Variants in HECTD2 observed in about 807,000 individuals in gnomAD.
The protein encoded by HECTD2 is probable E3 ubiquitin-protein ligase HECTD2.
In HECTD2, 35 loss-of-function variants were observed where a neutral mutation model predicts 103.2. The ratio of observed to expected loss-of-function variants is 0.34; its 90% confidence interval spans 0.26 to 0.45. The LOEUF (loss-of-function observed/expected upper bound fraction) is 0.45. HECTD2 is among the 20% of genes least tolerant of loss of function. The pLI, the probability that HECTD2 is intolerant of heterozygous loss-of-function variation, is 1.00. For missense variants in HECTD2, 596 were observed against 937.4 expected, an observed-to-expected ratio of 0.64 and a Z score of 4.76; for synonymous variants, 281 against 329.9, an observed-to-expected ratio of 0.85 and a Z score of 1.61.
intron 6 of HECTD2, among the ~76,000 whole-genome samples, chr10:91,480,251 G>T (rs1846044365): frequency 6.6e-6 from 1 of 152,062 alleles, no homozygotes; most frequent in African/African-American, 2.4e-5. Flanking sequence ...ATTTATGCAG[G>T]CATAAATGAC....
chr10:91,433,054 C>A (rs1479238861), intron 2 of HECTD2, among the ~76,000 whole-genome samples: 1 of 151,946 alleles, frequency 6.6e-6, no homozygotes, highest in Admixed American at 6.6e-5. Flanking sequence ...CGTAAGGATT[C>A]CTACCTTAGA....
chr10:91,424,565 G>A (rs534585172), intron 1 of HECTD2, among the ~76,000 whole-genome samples: 18 of 152,198 alleles, frequency 1.2e-4, no homozygotes, highest in African/African-American at 2.9e-4. Context: ...TTAATCTTGC[G>A]CTTCAAAGTA....
At chr10:91,431,804 A>G (rs931262774) in intron 2 of HECTD2, among the ~76,000 whole-genome samples, 1 of 152,058 alleles carries the variant, frequency 6.6e-6, no homozygotes, top group Non-Finnish European at 1.5e-5. Flanking sequence ...AAAGTTTTCA[A>G]CTTCTTTGCC....
At chr10:91,476,914 C>T (rs2133261084) in intron 5 of HECTD2, among the ~76,000 whole-genome samples, 1 of 143,472 alleles carries the variant, frequency 7.0e-6, no homozygotes, top group African/African-American at 2.6e-5. Context: ...GGCGCGGTGG[C>T]TCATGCCTGT....
At chr10:91,465,146 G>C (rs1260160445) in intron 5 of HECTD2, among the ~76,000 whole-genome samples, 4 of 152,140 alleles carry the variant, frequency 2.6e-5, no homozygotes, top group Non-Finnish European at 5.9e-5. Flanking sequence ...TACATTCTAT[G>C]TATTGTTGAA....
intron 2 of HECTD2, among the ~76,000 whole-genome samples, chr10:91,434,743 A>C (rs1844044184): frequency 6.6e-6 from 1 of 151,992 alleles, no homozygotes; most frequent in South Asian, 2.1e-4. Flanking sequence ...AATAGTGGGA[A>C]TAACATGAGT....
chr10:91,506,558 C>G (rs1012869608), intron 20 of HECTD2, among the ~76,000 whole-genome samples: 2 of 152,100 alleles, frequency 1.3e-5, no homozygotes, highest in Non-Finnish European at 1.5e-5. Context: ...CATACACTCT[C>G]CCAAGACTAA....
intron 2 of HECTD2, among the ~76,000 whole-genome samples, chr10:91,439,182 T>G (rs2133102943): frequency 6.6e-6 from 1 of 152,268 alleles, no homozygotes; most frequent in Admixed American, 6.5e-5. Context: ...ATTGCCTAGG[T>G]TTTCTTCTAG....
At chr10:91,433,436 C>T (rs1386425481) in intron 2 of HECTD2, among the ~76,000 whole-genome samples, 4 of 151,944 alleles carry the variant, frequency 2.6e-5, no homozygotes, top group African/African-American at 7.2e-5. Context: ...ATGCATTGTC[C>T]AGAACCTTGC....
At chr10:91,431,931 G>A (rs183480059) in intron 2 of HECTD2, among the ~76,000 whole-genome samples, 36 of 152,028 alleles carry the variant, frequency 2.4e-4, no homozygotes, top group African/African-American at 4.8e-4. Context: ...GAGGAACTGC[G>A]AAGTTGGGGT....
At chr10:91,461,458 CAT>C (rs779218164) in intron 4 of HECTD2, 102 bp downstream of exon 4, 17 of 568,712 alleles carry the variant, frequency 3.0e-5, no homozygotes, top group Non-Finnish European at 5.0e-5. Flanking sequence ...TTTAAACATG[CAT>C]ATATTATGTA....
At chr10:91,414,942 A>G (rs187448925) in intron 1 of HECTD2, among the ~76,000 whole-genome samples, 4 of 152,298 alleles carry the variant, frequency 2.6e-5, no homozygotes, top group East Asian at 1.9e-4. Context: ...CAGAGGAACA[A>G]CATAATGAAA....
At chr10:91,449,400 T>A (rs1844693630) in intron 2 of HECTD2, among the ~76,000 whole-genome samples, 2 of 152,122 alleles carry the variant, frequency 1.3e-5, no homozygotes, top group South Asian at 4.1e-4. Context: ...TTTCTCAAAA[T>A]AATAAGAACT....
intron 5 of HECTD2, among the ~76,000 whole-genome samples, chr10:91,472,374 A>G (rs990042774): frequency 6.6e-6 from 1 of 152,238 alleles, no homozygotes; most frequent in Non-Finnish European, 1.5e-5. Flanking sequence ...CCTAGGAAAT[A>G]TCATTCTGGA....
At chr10:91,486,321 C>CT (rs1376243517) in intron 10 of HECTD2, 1 of 152,160 alleles carries the variant, frequency 6.6e-6, no homozygotes, top group Non-Finnish European at 1.5e-5. Flanking sequence ...GCAATGTTTA[C>CT]TTTACAAAGA....
intron 4 of HECTD2, among the ~76,000 whole-genome samples, chr10:91,461,737 C>T (rs756980263): frequency 3.3e-5 from 5 of 151,912 alleles, no homozygotes; most frequent in Non-Finnish European, 7.4e-5. Flanking sequence ...TTAGTAGAAA[C>T]AGGGTTTCAC....
intron 8 of HECTD2, chr10:91,484,298 A>G (rs940367098): frequency 1.8e-6 from 2 of 1,128,918 alleles, no homozygotes; most frequent in South Asian, 1.4e-5. Context: ...TACTAACTTT[A>G]TAGTAATTTT....
At chr10:91,485,146 G>GA in intron 9 of HECTD2, 34 bp from the exon 10 acceptor site, 1 of 1,452,164 alleles carries the variant, frequency 6.9e-7, no homozygotes, top group Non-Finnish European at 9.3e-7. Context: ...GTACATGTTG[G>GA]AAAAAGTCTT....
chr10:91,498,185 A>T lies in HECTD2; in HGVS notation c.1755+3A>T. The T allele has an allele frequency of 6.3e-7, 1 of 1,590,636 alleles. No homozygotes were observed. The highest frequency in any genetic ancestry group is 8.6e-7 in the Non-Finnish European group (1 of 1,158,800). On this transcript the variant is annotated splice_donor_region_variant and intron_variant, in intron 16 of 20. Coordinates refer to ENST00000298068, the MANE Select transcript of HECTD2 (RefSeq NM_182765.6). ...AAGATTTCTATTCAACATTTCAGGTACTATTAAGGGCAAGTAGTTATCTGT... is the reference window on the plus strand; with the variant it reads ...AAGATTTCTATTCAACATTTCAGGTTCTATTAAGGGCAAGTAGTTATCTGT...
Sources: gnomAD v4.1 joint callset for allele counts (sites outside exome capture counted in the v4.1 genomes callset) on GRCh38, gnomAD v4.1.1 for gene constraint, MANE v1.5 for transcripts, NCBI Gene and HGNC (gene_info 2026-07-23, HGNC 2026-07-21) for gene names.